Variants in CAPN15 observed in about 807,000 individuals in gnomAD.
The protein encoded by CAPN15 is calpain-15.
Under a neutral mutation model 97.9 loss-of-function variants are expected in CAPN15, and 53 were observed. That is an observed-to-expected ratio of 0.54 (90% CI 0.43 to 0.68). The LOEUF (loss-of-function observed/expected upper bound fraction) is 0.68. CAPN15 is among the 30% of genes least tolerant of loss of function. The pLI is 0.00. For synonymous variants in CAPN15, 922 were observed against 722.5 expected (o/e 1.28, Z -4.43); for missense variants, 1,592 against 1,589.8 (o/e 1.00, Z -0.02).
intron 7 of CAPN15, among the ~76,000 whole-genome samples, chr16:551,072 T>C (rs74619213): frequency 1.1e-3 from 10 of 9,254 alleles, no homozygotes; most frequent in African/African-American, 4.9e-3. Flanking sequence ...GTCGGTGAGG[T>C]CCCCGGTCGG....
chr16:543,001 A>G (rs548745078), intron 3 of CAPN15, among the ~76,000 whole-genome samples: 3 of 152,180 alleles, frequency 2.0e-5, no homozygotes, highest in South Asian at 2.1e-4. Context: ...CAGTGAGCCA[A>G]GATTGCACCA....
At chr16:539,388 C>T (rs1438656769) in intron 3 of CAPN15, 2 of 152,300 alleles carry the variant, frequency 1.3e-5, no homozygotes, top group African/African-American at 4.8e-5. Flanking sequence ...CAGGGTCCTC[C>T]CGTCTCAGGA....
chr16:551,367 T>C lies in CAPN15; in HGVS notation c.2132T>C (p.Leu711Pro). 1 of 1,610,174 alleles carries C rather than the reference T, an allele frequency of 6.2e-7. No individual in the cohort carries two copies. Among genetic ancestry groups the C allele is most frequent in the Non-Finnish European group, 8.5e-7 (1 of 1,178,908 alleles). Residue 711 changes from leucine (L) to proline (P), a missense_variant, in exon 8 of 14, where the codon CTG (leucine) becomes CCG (proline). By Grantham distance (98) the Leu-to-Pro change is moderately conservative (BLOSUM62 -3). Coordinates refer to ENST00000219611, the MANE Select transcript of CAPN15 (RefSeq NM_005632.3). ...GTGGACGATTCGGCCTACGAGAGCC[T>C]GGGCCTGCGCCCCCGGCATGCCTAC... ...MKVDDSAYES[L>P]GLRPRHAYSI...
At chr16:529,494 G>A (rs761083356) in intron 1 of CAPN15, among the ~76,000 whole-genome samples, 17 of 152,186 alleles carry the variant, frequency 1.1e-4, no homozygotes, top group Non-Finnish European at 2.2e-4. Flanking sequence ...GAGGCTGAGC[G>A]CCTGGTCTCT....
chr16:528,633 C>T (rs2033024389), intron 1 of CAPN15: 7 of 739,108 alleles, frequency 9.5e-6, no homozygotes, highest in Non-Finnish European at 9.9e-6. Context: ...TAGTCCTGAC[C>T]GGGGGAACTC....
intron 8 of CAPN15, 33 bp downstream of exon 8, chr16:551,460 G>A (rs1324669825): frequency 1.2e-6 from 2 of 1,600,374 alleles, no homozygotes; most frequent in African/African-American, 1.3e-5. Context: ...TGGGTGGGGT[G>A]CCGGTGAGAC....
intron 4 of CAPN15, among the ~76,000 whole-genome samples, chr16:548,674 C>A (rs1218266623): frequency 6.6e-6 from 1 of 152,254 alleles, no homozygotes; most frequent in Admixed American, 6.5e-5. Context: ...GCATCACCCA[C>A]GGGTCAACTG....
chr16:553,546 A>G lies in CAPN15; in HGVS notation c.*30A>G. ...CATGCCTGGGGCAGGGGCTGTGCAC[A>G]GACGGACCCCCCACCCCCACACGCA... is the stretch of plus-strand genomic sequence containing the variant. On this transcript the variant is annotated 3_prime_UTR_variant, in exon 14 of 14. Transcript: ENST00000219611. 1 of 1,499,746 alleles carries G rather than the reference A, an allele frequency of 6.7e-7. No individual in the cohort carries two copies. Among genetic ancestry groups the G allele is most frequent in the East Asian group, 2.4e-5 (1 of 42,342 alleles). The allele number at this position is 1,499,746 out of a possible 1,614,324, so 92.9% of individuals were successfully genotyped here.
At position 548,041 on chromosome 16, in the gene CAPN15, G is replaced by C; in HGVS notation, c.1203G>C (p.Ser401=). 1.3e-6 allele frequency: 2 copies of C among 1,557,340 alleles called. No individual in the cohort carries two copies. Among genetic ancestry groups the C allele is most frequent in the Non-Finnish European group, 1.7e-6 (2 of 1,152,684 alleles). The part of the protein sequence containing the change: ...PCGRSCGRVS[S]AQKAARVLPE... Reference sequence around the variant, plus strand: ...GCAGAAGCTGCGGACGGGTGTCCTCGGCCCAGAAGGCCGCCCGCGTCCTGC... The same window carrying C: ...GCAGAAGCTGCGGACGGGTGTCCTCCGCCCAGAAGGCCGCCCGCGTCCTGC... The change falls in exon 4 of 14, where the codon TCG becomes TCC. Residue 401 remains serine, a synonymous_variant. Coordinates refer to ENST00000219611, the MANE Select transcript of CAPN15 (RefSeq NM_005632.3).
At chr16:531,711 G>A in intron 1 of CAPN15, among the ~76,000 whole-genome samples, 1 of 143,836 alleles carries the variant, frequency 7.0e-6, no homozygotes, top group African/African-American at 2.7e-5. Flanking sequence ...CGGCTCCCAA[G>A]GCCTCCGTCT....
intron 5 of CAPN15, 37 bp from the exon 6 acceptor site, chr16:549,249 GCC>G: frequency 6.5e-7 from 1 of 1,547,750 alleles, no homozygotes; most frequent in Non-Finnish European, 8.7e-7. Flanking sequence ...CGGGCGACCG[GCC>G]GCGGTCCCCG....
At chr16:546,510 G>T (rs891222605) in intron 3 of CAPN15, among the ~76,000 whole-genome samples, 3 of 152,224 alleles carry the variant, frequency 2.0e-5, no homozygotes, top group African/African-American at 7.2e-5. Context: ...CCGTCCACAG[G>T]CCTGGTGACA....
intron 3 of CAPN15, chr16:540,362 G>A (rs555727118): frequency 9.1e-5 from 90 of 985,494 alleles, no homozygotes; most frequent in South Asian, 5.2e-4. Flanking sequence ...CCACGGCCCC[G>A]GGCCCGAAGG....
intron 3 of CAPN15, among the ~76,000 whole-genome samples, chr16:544,259 G>C (rs908591967): frequency 2.0e-5 from 3 of 152,098 alleles, no homozygotes; most frequent in African/African-American, 4.8e-5. Context: ...AGGAGCTGCC[G>C]ACCAAGTCTG....
At chr16:544,206 G>A (rs1008287682) in intron 3 of CAPN15, among the ~76,000 whole-genome samples, 15 of 152,162 alleles carry the variant, frequency 9.9e-5, no homozygotes, top group Admixed American at 8.5e-4. Flanking sequence ...TCAGAGCACT[G>A]AGCAGAGCCC....
chr16:551,703 C>T, intron 9 of CAPN15, 39 bp downstream of exon 9: 2 of 1,576,386 alleles, frequency 1.3e-6, no homozygotes, highest in Non-Finnish European at 8.6e-7. Flanking sequence ...CCGCCCCCGC[C>T]CTCCTAGGGC....
chr16:547,860 T>C lies in CAPN15; in HGVS notation c.1022T>C (p.Phe341Ser), dbSNP rs868696967. Residue 341 changes from phenylalanine (F) to serine (S), a missense_variant, in exon 4 of 14, where the codon TTC (phenylalanine) becomes TCC (serine). By Grantham distance (155) the Phe-to-Ser change is radical. Coordinates refer to ENST00000219611, the MANE Select transcript of CAPN15 (RefSeq NM_005632.3). ...YTPASPSSPD[F>S]TTWSCAKCTL... Reference sequence around the variant, plus strand: ...CCCGCCAGCCCCTCCAGCCCCGACTTCACCACCTGGTCATGTGCCAAGTGC... The same window carrying C: ...CCCGCCAGCCCCTCCAGCCCCGACTCCACCACCTGGTCATGTGCCAAGTGC... 1.9e-6 allele frequency: 3 copies of C among 1,611,560 alleles called. No homozygotes were observed. The highest frequency in any genetic ancestry group is 2.2e-5 in the South Asian group (2 of 90,874).
At chr16:551,888 A>C in intron 9 of CAPN15, 163 bp from the exon 10 acceptor site, 15 of 966,696 alleles carry the variant, frequency 1.6e-5, no homozygotes, top group South Asian at 2.8e-5. Context: ...AGGGCTTCCT[A>C]TTATAGGCCT....
intron 2 of CAPN15, among the ~76,000 whole-genome samples, chr16:534,310 C>T (rs1596321437): frequency 1.1e-5 from 1 of 87,802 alleles, no homozygotes. Context: ...CCCACGGCAG[C>T]GCTGGGGCTG....
Sources: gnomAD v4.1 joint callset for allele counts (sites outside exome capture counted in the v4.1 genomes callset) on GRCh38, gnomAD v4.1.1 for gene constraint, MANE v1.5 for transcripts, NCBI Gene and HGNC (gene_info 2026-07-23, HGNC 2026-07-21) for gene names.